Variants in TAAR6 observed in about 807,000 individuals in gnomAD.
TAAR6 encodes trace amine associated receptor 6, also known as trace amine-associated receptor 6.
Under a neutral mutation model 18.4 loss-of-function variants are expected in TAAR6, and 15 were observed. The observed-to-expected ratio is 0.82, with a 90% CI of 0.55 to 1.26. The LOEUF is 1.26. Among genes scored for constraint, TAAR6 ranks in the 50% most tolerant of loss-of-function variants. The probability of loss-of-function intolerance (pLI) is 0.00; values close to 1 mark genes in which losing one functional copy is unlikely to be tolerated. For missense variants in TAAR6, 501 were observed against 415.9 expected (o/e 1.20, Z -1.78); for synonymous variants, 192 against 162.4 (o/e 1.18, Z -1.39).
In TAAR6 at chr6:132,570,514, T is replaced by A; in HGVS notation, c.193T>A (p.Ser65Thr). 2 of 1,613,998 alleles carry A rather than the reference T, an allele frequency of 1.2e-6. No homozygotes were observed. The highest frequency in any genetic ancestry group is 3.3e-5 in the Admixed American group (2 of 59,992). The change falls in exon 1 of 1, where the codon TCT becomes ACT. Residue 65 changes from serine (S) to threonine (T), a missense_variant. Transcript: ENST00000275198. ...AATCCTCCATTTCAAGCAGCTGCACTCTCCGACCAATTTTCTCGTTGCCTC... is the reference window on the plus strand; with the variant it reads ...AATCCTCCATTTCAAGCAGCTGCACACTCCGACCAATTTTCTCGTTGCCTC... ...ISILHFKQLH[S>T]PTNFLVASLA...
chr6:132,571,101 G>A lies in TAAR6; in HGVS notation c.780G>A (p.Leu260=). 1.2e-6 allele frequency: 2 copies of A among 1,614,064 alleles called. No homozygotes were observed. Among genetic ancestry groups the A allele is most frequent in the Admixed American group, 1.7e-5 (1 of 60,022 alleles). Residue 260 remains leucine (L), a synonymous_variant, in exon 1 of 1, where the codon CTG becomes CTA. Transcript: ENST00000275198. ...GAGAGAGAAAAGCAGCTAAAACCCT[G>A]GGGGTCACAGTGGTAGCATTTATGA... The part of the protein sequence containing the change: ...ARRERKAAKT[L]GVTVVAFMIS...
chr6:132,570,531 C>G lies in TAAR6; in HGVS notation c.210C>G (p.Leu70=), dbSNP rs370369771. ...FKQLHSPTNF[L]VASLACADFL... ...AGCTGCACTCTCCGACCAATTTTCT[C>G]GTTGCCTCTCTGGCCTGCGCTGATT... is the stretch of plus-strand genomic sequence containing the variant. The change falls in exon 1 of 1, where the codon CTC becomes CTG. Residue 70 remains leucine (L), a synonymous_variant. Transcript: ENST00000275198. 1.1e-5 allele frequency: 17 copies of G among 1,613,830 alleles called. No homozygotes were observed. Among genetic ancestry groups the G allele is most frequent in the Non-Finnish European group, 1.4e-5 (16 of 1,179,996 alleles).
Position 132,570,799 on chromosome 6 carries a change from C to T in TAAR6, c.478C>T (p.Pro160Ser). Reference sequence around the variant, plus strand: ...TTGCATCAGCGTGTCCTGGATCCTGCCCCTCATGTACAGCGGTGCTGTGTT... The same window carrying T: ...TTGCATCAGCGTGTCCTGGATCCTGTCCCTCATGTACAGCGGTGCTGTGTT... Reference protein sequence around the residue: ...GICISVSWILPLMYSGAVFYT... With the variant: ...GICISVSWILSLMYSGAVFYT... Residue 160 changes from proline to serine, a missense_variant, in exon 1 of 1, where the codon CCC (proline) becomes TCC (serine). Coordinates refer to ENST00000275198, the MANE Select transcript of TAAR6 (RefSeq NM_175067.1). 6.2e-7 allele frequency: 1 copy of T among 1,613,972 alleles called. No homozygotes were observed. Among genetic ancestry groups the T allele is most frequent in the Non-Finnish European group, 8.5e-7 (1 of 1,179,974 alleles).
At position 132,570,520 on chromosome 6, in the gene TAAR6, A is replaced by G; in HGVS notation, c.199A>G (p.Thr67Ala). ...ILHFKQLHSP[T>A]NFLVASLACA... ...CCATTTCAAGCAGCTGCACTCTCCG[A>G]CCAATTTTCTCGTTGCCTCTCTGGC... The change falls in exon 1 of 1, where the codon ACC becomes GCC. Residue 67 changes from threonine (T) to alanine (A), a missense_variant. Physicochemically the swap from Thr to Ala is moderately conservative, Grantham distance 58 (BLOSUM62 0). Coordinates refer to ENST00000275198, the MANE Select transcript of TAAR6 (RefSeq NM_175067.1). 6.2e-7 allele frequency: 1 copy of G among 1,612,722 alleles called. No individual in the cohort carries two copies.
At position 132,570,616 on chromosome 6, in the gene TAAR6, T is replaced by C; in HGVS notation, c.295T>C (p.Tyr99His). 1 of 1,614,064 alleles carries C rather than the reference T, an allele frequency of 6.2e-7. No individual in the cohort carries two copies. The highest frequency in any genetic ancestry group is 8.5e-7 in the Non-Finnish European group (1 of 1,179,996). ...SMVRTVESCW[Y>H]FGRSFCTFHT... ...GGTCAGGACGGTGGAGAGCTGCTGG[T>C]ATTTTGGGAGGAGTTTTTGTACTTT... Residue 99 changes from tyrosine (Y) to histidine (H), a missense_variant, in exon 1 of 1, where the codon TAT becomes CAT. Physicochemically the swap from Tyr to His is moderately conservative, Grantham distance 83. Transcript: ENST00000275198.
chr6:132,571,244 C>A lies in TAAR6; in HGVS notation c.923C>A (p.Pro308His). The A allele has an allele frequency of 1.2e-6, 2 of 1,613,984 alleles. No homozygotes were observed. The highest frequency in any genetic ancestry group is 1.1e-5 in the South Asian group (1 of 91,074). ...GCTTATTATAACTCAGCCATGAATCCTTTGATTTATGCTTTATTTTACCCA... is the reference window on the plus strand; with the variant it reads ...GCTTATTATAACTCAGCCATGAATCATTTGATTTATGCTTTATTTTACCCA... ...WCAYYNSAMN[P>H]LIYALFYPWF... The change falls in exon 1 of 1, where the codon CCT becomes CAT. Residue 308 changes from proline to histidine, a missense_variant. Pro to His is a moderately conservative substitution (Grantham distance 77, BLOSUM62 -2). Coordinates refer to ENST00000275198, the MANE Select transcript of TAAR6 (RefSeq NM_175067.1).
Position 132,570,912 on chromosome 6 carries a change from C to G in TAAR6, c.591C>G (p.Asn197Lys). The G allele has an allele frequency of 6.2e-7, 1 of 1,614,126 alleles. No individual in the cohort carries two copies. Among genetic ancestry groups the G allele is most frequent in the East Asian group, 2.2e-5 (1 of 44,876 alleles). Residue 197 changes from asparagine (N) to lysine (K), a missense_variant, in exon 1 of 1, where the codon AAC becomes AAG. Transcript: ENST00000275198. ...IGGCQTVVNQ[N>K]WVLTDFLSFF... ...GTTGTCAGACCGTTGTAAATCAAAA[C>G]TGGGTGTTGACAGATTTTCTATCCT... is the stretch of plus-strand genomic sequence containing the variant.
At position 132,570,612 on chromosome 6, in the gene TAAR6, C is replaced by T; in HGVS notation, c.291C>T (p.Cys97=). 6.2e-7 allele frequency: 1 copy of T among 1,614,088 alleles called. No individual in the cohort carries two copies. Among genetic ancestry groups the T allele is most frequent in the Non-Finnish European group, 8.5e-7 (1 of 1,180,002 alleles). ...PFSMVRTVES[C]WYFGRSFCTF... is the part of the protein sequence containing the mutation. ...GCATGGTCAGGACGGTGGAGAGCTG[C>T]TGGTATTTTGGGAGGAGTTTTTGTA... is the stretch of plus-strand genomic sequence containing the variant. Residue 97 remains cysteine, a synonymous_variant, in exon 1 of 1, where the codon TGC becomes TGT. Transcript: ENST00000275198.
Position 132,571,091 on chromosome 6 carries a change from C to T in TAAR6, c.770C>T (p.Ala257Val), listed in dbSNP as rs1457337484. ...GTGGCCAGGAGAGAGAGAAAAGCAG[C>T]TAAAACCCTGGGGGTCACAGTGGTA... The part of the protein sequence containing the change: ...ARVARRERKA[A>V]KTLGVTVVAF... Residue 257 changes from alanine (A) to valine (V), a missense_variant, in exon 1 of 1, where the codon GCT (alanine) becomes GTT (valine). By Grantham distance (64) the Ala-to-Val change is moderately conservative. Coordinates refer to ENST00000275198, the MANE Select transcript of TAAR6 (RefSeq NM_175067.1). The T allele has an allele frequency of 6.2e-7, 1 of 1,614,044 alleles. No individual in the cohort carries two copies. The highest frequency in any genetic ancestry group is 8.5e-7 in the Non-Finnish European group (1 of 1,179,978).
Position 132,570,519 on chromosome 6 carries a change from G to A in TAAR6, c.198G>A (p.Pro66=), listed in dbSNP as rs139348099. The A allele has an allele frequency of 3.7e-6, 6 of 1,613,890 alleles. No homozygotes were observed. The African/African-American group carries it at 5.3e-5, about 14-fold the overall frequency. Reference sequence around the variant, plus strand: ...TCCATTTCAAGCAGCTGCACTCTCCGACCAATTTTCTCGTTGCCTCTCTGG... The same window carrying A: ...TCCATTTCAAGCAGCTGCACTCTCCAACCAATTTTCTCGTTGCCTCTCTGG... ...SILHFKQLHS[P]TNFLVASLAC... The change falls in exon 1 of 1, where the codon CCG becomes CCA. Residue 66 remains proline, a synonymous_variant. Transcript: ENST00000275198.
Position 132,570,477 on chromosome 6 carries a change from G to A in TAAR6, c.156G>A (p.Leu52=). The A allele has an allele frequency of 6.2e-7, 1 of 1,613,870 alleles. No homozygotes were observed. The highest frequency in any genetic ancestry group is 1.6e-4 in the Middle Eastern group (1 of 6,062). Residue 52 remains leucine, a synonymous_variant, in exon 1 of 1, where the codon CTG becomes CTA. Coordinates refer to ENST00000275198, the MANE Select transcript of TAAR6 (RefSeq NM_175067.1). ...TGCTGGCTGTGTTTGGAAACCTCCT[G>A]GTGATGATTTCAATCCTCCATTTCA... The part of the protein sequence containing the change: ...GAVLAVFGNL[L]VMISILHFKQ...
chr6:132,570,414 C>A lies in TAAR6; in HGVS notation c.93C>A (p.Ser31=). Residue 31 remains serine, a synonymous_variant, in exon 1 of 1, where the codon TCC becomes TCA. Coordinates refer to ENST00000275198, the MANE Select transcript of TAAR6 (RefSeq NM_175067.1). ...TGAAAATCCCCTTCTCGCCGGGATCCCGGGTGATTCTGTACATAGTGTTTG... is the reference window on the plus strand; with the variant it reads ...TGAAAATCCCCTTCTCGCCGGGATCACGGGTGATTCTGTACATAGTGTTTG... The part of the protein sequence containing the change: ...SCVKIPFSPG[S]RVILYIVFGF... The A allele has an allele frequency of 6.2e-7, 1 of 1,614,042 alleles. No individual in the cohort carries two copies. Among genetic ancestry groups the A allele is most frequent in the South Asian group, 1.1e-5 (1 of 91,076 alleles).
rs754977909 is a variant in TAAR6 at position 132,570,600 on chromosome 6, G to C, written c.279G>C (p.Thr93=). The C allele has an allele frequency of 6.2e-7, 1 of 1,614,116 alleles. No homozygotes were observed. Among genetic ancestry groups the C allele is most frequent in the African/African-American group, 1.3e-5 (1 of 75,018 alleles). ...TGATGCCCTTCAGCATGGTCAGGACGGTGGAGAGCTGCTGGTATTTTGGGA... is the reference window on the plus strand; with the variant it reads ...TGATGCCCTTCAGCATGGTCAGGACCGTGGAGAGCTGCTGGTATTTTGGGA... ...VTVMPFSMVR[T]VESCWYFGRS... is the part of the protein sequence containing the mutation. The change falls in exon 1 of 1, where the codon ACG becomes ACC. Residue 93 remains threonine, a synonymous_variant. Coordinates refer to ENST00000275198, the MANE Select transcript of TAAR6 (RefSeq NM_175067.1).
Position 132,571,168 on chromosome 6 carries a change from T to G in TAAR6, c.847T>G (p.Phe283Val). Residue 283 changes from phenylalanine to valine, a missense_variant, in exon 1 of 1, where the codon TTT becomes GTT. Coordinates refer to ENST00000275198, the MANE Select transcript of TAAR6 (RefSeq NM_175067.1). ...TAGCATTGATTCATTAATTGATGCC[T>G]TTATGGGCTTTATAACCCCTGCCTG... is the stretch of plus-strand genomic sequence containing the variant. ...PYSIDSLIDA[F>V]MGFITPACIY... 6.2e-7 allele frequency: 1 copy of G among 1,614,088 alleles called. No individual in the cohort carries two copies. The highest frequency in any genetic ancestry group is 8.5e-7 in the Non-Finnish European group (1 of 1,179,974).
Position 132,570,744 on chromosome 6 carries a change from T to C in TAAR6, c.423T>C (p.Pro141=), listed in dbSNP as rs1269332951. 2 of 1,614,170 alleles carry C rather than the reference T, an allele frequency of 1.2e-6. No homozygotes were observed. The highest frequency in any genetic ancestry group is 1.7e-6 in the Non-Finnish European group (2 of 1,180,000). The change falls in exon 1 of 1, where the codon CCT becomes CCC. Residue 141 remains proline (P), a synonymous_variant. Transcript: ENST00000275198. ...YIAVTDPLVY[P]TKFTVSVSGI... ...CGGTTACTGACCCCCTGGTCTATCC[T>C]ACCAAGTTCACCGTATCTGTGTCAG... is the stretch of plus-strand genomic sequence containing the variant.
rs763614251 is a variant in TAAR6 at position 132,571,146 on chromosome 6, C to G, written c.825C>G (p.Ser275Arg). The G allele has an allele frequency of 1.9e-6, 3 of 1,614,028 alleles. No homozygotes were observed. In the South Asian group the frequency reaches 3.3e-5, roughly 18 times the overall value. Reference sequence around the variant, plus strand: ...TTATGATTTCATGGTTACCATATAGCATTGATTCATTAATTGATGCCTTTA... The same window carrying G: ...TTATGATTTCATGGTTACCATATAGGATTGATTCATTAATTGATGCCTTTA... ...VAFMISWLPY[S>R]IDSLIDAFMG... Residue 275 changes from serine (S) to arginine (R), a missense_variant, in exon 1 of 1, where the codon AGC (serine) becomes AGG (arginine). Physicochemically the swap from Ser to Arg is moderately radical, Grantham distance 110. Coordinates refer to ENST00000275198, the MANE Select transcript of TAAR6 (RefSeq NM_175067.1).
chr6:132,570,716 T>C lies in TAAR6; in HGVS notation c.395T>C (p.Ile132Thr), dbSNP rs1241340063. 20 of 1,614,032 alleles carry C rather than the reference T, an allele frequency of 1.2e-5. No individual in the cohort carries two copies. The highest frequency in any genetic ancestry group is 1.6e-5 in the Non-Finnish European group (19 of 1,180,012). ...TGCTTCATCTCCATCGACAGGTACA[T>C]TGCGGTTACTGACCCCCTGGTCTAT... is the stretch of plus-strand genomic sequence containing the variant. Reference protein sequence around the residue: ...HLCFISIDRYIAVTDPLVYPT... With the variant: ...HLCFISIDRYTAVTDPLVYPT... Residue 132 changes from isoleucine to threonine, a missense_variant, in exon 1 of 1, where the codon ATT (isoleucine) becomes ACT (threonine). Physicochemically the swap from Ile to Thr is moderately conservative, Grantham distance 89. Coordinates refer to ENST00000275198, the MANE Select transcript of TAAR6 (RefSeq NM_175067.1).
Position 132,570,916 on chromosome 6 carries a change from G to A in TAAR6, c.595G>A (p.Val199Met). 1 of 1,614,090 alleles carries A rather than the reference G, an allele frequency of 6.2e-7. No homozygotes were observed. Among genetic ancestry groups the A allele is most frequent in the Non-Finnish European group, 8.5e-7 (1 of 1,179,998 alleles). The part of the protein sequence containing the change: ...GCQTVVNQNW[V>M]LTDFLSFFIP... ...TCAGACCGTTGTAAATCAAAACTGG[G>A]TGTTGACAGATTTTCTATCCTTCTT... The change falls in exon 1 of 1, where the codon GTG (valine) becomes ATG (methionine). Residue 199 changes from valine to methionine, a missense_variant. Physicochemically the swap from Val to Met is conservative, Grantham distance 21. Coordinates refer to ENST00000275198, the MANE Select transcript of TAAR6 (RefSeq NM_175067.1).
chr6:132,570,707 A>G lies in TAAR6; in HGVS notation c.386A>G (p.Asp129Gly). 2 of 1,613,980 alleles carry G rather than the reference A, an allele frequency of 1.2e-6. No homozygotes were observed. Among genetic ancestry groups the G allele is most frequent in the South Asian group, 2.2e-5 (2 of 91,076 alleles). The change falls in exon 1 of 1, where the codon GAC becomes GGC. Residue 129 changes from aspartate to glycine, a missense_variant. Coordinates refer to ENST00000275198, the MANE Select transcript of TAAR6 (RefSeq NM_175067.1). ...TTTCACTTGTGCTTCATCTCCATCGACAGGTACATTGCGGTTACTGACCCC... is the reference window on the plus strand; with the variant it reads ...TTTCACTTGTGCTTCATCTCCATCGGCAGGTACATTGCGGTTACTGACCCC... ...SLFHLCFISI[D>G]RYIAVTDPLV...
Sources: gnomAD v4.1 joint callset for allele counts on GRCh38, gnomAD v4.1.1 for gene constraint, MANE v1.5 for transcripts, NCBI Gene and HGNC (gene_info 2026-07-23, HGNC 2026-07-21) for gene names.